The following GOSR2 variants were observed in gnomAD, a reference collection of about 807,000 sequenced individuals.
GOSR2 encodes 27 kDa Golgi SNARE protein.
In GOSR2, 20 loss-of-function variants were observed where a neutral mutation model predicts 27.9. That is an observed-to-expected ratio of 0.72 (90% confidence interval 0.50 to 1.04). The LOEUF (loss-of-function observed/expected upper bound fraction) is 1.04. GOSR2 is among the 50% of genes least tolerant of loss of function. The pLI, the probability that GOSR2 is intolerant of heterozygous loss-of-function variation, is 0.00. For missense variants in GOSR2, 261 were observed against 270.5 expected, an observed-to-expected ratio of 0.97 and a Z score of 0.25; for synonymous variants, 91 against 98.8, an observed-to-expected ratio of 0.92 and a Z score of 0.47.
downstream of GOSR2, among the ~76,000 whole-genome samples, chr17:46,944,757 G>A (rs1160305883): frequency 1.3e-5 from 2 of 151,852 alleles, no homozygotes; most frequent in African/African-American, 2.4e-5. Flanking sequence ...CCACTACCAC[G>A]CCCGGCTAAT....
rs765094724 is a variant in GOSR2, at chr17:46,938,689, A to G, written c.568A>G (p.Lys190Glu). The G allele has an allele frequency of 1.2e-6, 2 of 1,613,796 alleles. No homozygotes were observed. The highest frequency in any genetic ancestry group is 1.3e-5 in the African/African-American group (1 of 74,974). Residue 190 changes from lysine to glutamate, a missense_variant, in exon 6 of 6, where the codon AAG (lysine) becomes GAG (glutamate). Transcript: ENST00000640051. ...RLIEKRAFQDKYFMIGGMLLT... is the reference protein window; with the variant it reads ...RLIEKRAFQDEYFMIGGMLLT... ...CATCGAGAAGCGGGCTTTCCAGGAC[A>G]AGTACTTTATGATAGGTGGGATGCT... is the stretch of plus-strand genomic sequence containing the variant.
intron 6 of GOSR2, among the ~76,000 whole-genome samples, chr17:46,959,323 A>G (rs2090923376): frequency 6.6e-6 from 1 of 152,246 alleles, no homozygotes; most frequent in African/African-American, 2.4e-5. Context: ...TTTTTGGAGT[A>G]ACATAAATCC....
At chr17:46,972,036 A>G (rs1473876869) in intron 6 of GOSR2, among the ~76,000 whole-genome samples, 6 of 152,108 alleles carry the variant, frequency 3.9e-5, no homozygotes, top group Admixed American at 3.9e-4. Context: ...GGACCTTCCC[A>G]AGACAGGGAA....
chr17:46,968,430 G>T (rs2091357615), downstream of GOSR2, among the ~76,000 whole-genome samples: 1 of 152,194 alleles, frequency 6.6e-6, no homozygotes, highest in Admixed American at 6.5e-5. Flanking sequence ...CTAAAGCCCT[G>T]CCTGGGGTGT....
chr17:46,968,412 C>T (rs1012762635), downstream of GOSR2, among the ~76,000 whole-genome samples: 2 of 152,254 alleles, frequency 1.3e-5, no homozygotes, highest in African/African-American at 4.8e-5. Context: ...CATTCCCACG[C>T]TTACATCCTA....
chr17:46,961,042 AGGTG>A (rs1388141208), intron 6 of GOSR2, among the ~76,000 whole-genome samples: 1 of 152,196 alleles, frequency 6.6e-6, no homozygotes, highest in African/African-American at 2.4e-5. Flanking sequence ...AAAAAAAACA[AGGTG>A]GGAATAAAAT....
chr17:46,974,083 C>T (rs1167109631), intron 6 of GOSR2, among the ~76,000 whole-genome samples: 3 of 152,232 alleles, frequency 2.0e-5, no homozygotes, highest in Admixed American at 6.5e-5. Context: ...CTACTTCCCC[C>T]GTTCTAGGGG....
At chr17:46,973,662 C>G (rs564914033) in intron 6 of GOSR2, among the ~76,000 whole-genome samples, 2 of 152,174 alleles carry the variant, frequency 1.3e-5, no homozygotes, top group Non-Finnish European at 2.9e-5. Context: ...CCCCGTCTGC[C>G]GAGCTGGGGT....
downstream of GOSR2, among the ~76,000 whole-genome samples, chr17:46,967,950 G>T (rs2091352567): frequency 6.6e-6 from 1 of 152,210 alleles, no homozygotes; most frequent in African/African-American, 2.4e-5. Flanking sequence ...GACAGGCTTG[G>T]TGAAGGAGTG....
In GOSR2 at chr17:46,940,699, A is replaced by C. The variant is rs1218941030; in HGVS notation, c.*1939A>C. 9.3e-6 allele frequency: 15 copies of C among 1,608,454 alleles called. No homozygotes were observed. In the African/African-American group the frequency reaches 1.1e-4, roughly 11 times the overall value. ...AGGACATCTTTTCGTGGTGTGCACC[A>C]GTGCTTTCCACACTTGACAGTGGTT... On this transcript the variant is annotated 3_prime_UTR_variant, in exon 6 of 6. Transcript: ENST00000640051.
downstream of GOSR2, among the ~76,000 whole-genome samples, chr17:46,944,392 G>C (rs1269159570): frequency 1.3e-5 from 2 of 152,144 alleles, no homozygotes; most frequent in Non-Finnish European, 2.9e-5. Flanking sequence ...TAAGAATGGG[G>C]GTAACACCTG....
chr17:46,953,452 G>A (rs1042701984), intron 6 of GOSR2, among the ~76,000 whole-genome samples: 4 of 152,160 alleles, frequency 2.6e-5, no homozygotes, highest in Admixed American at 6.5e-5. Context: ...TATCATTGTT[G>A]GACATTTGGG....
rs1338736965 is a variant in GOSR2, at chr17:46,961,146, T to C, written c.584-5388T>C. Among the ~76,000 whole-genome samples the C allele has an allele frequency of 2.0e-5, 3 of 152,110 alleles. No individual in the cohort carries two copies. In the South Asian group the frequency reaches 6.2e-4, roughly 31 times the overall value. On this transcript the variant is annotated intron_variant, in intron 6 of 6. Transcript: ENST00000573224. ...TTTGCCGAGGATAAAGGTAAAGATA[T>C]TGATTAATTTCAGACTTTTGGAACA...
Position 46,941,879 on chromosome 17 carries a change from C to T in GOSR2, c.*3119C>T. The T allele has an allele frequency of 1.0e-6, 1 of 972,508 alleles. No individual in the cohort carries two copies. The highest frequency in any genetic ancestry group is 1.2e-6 in the Non-Finnish European group (1 of 818,264). 60.2% of individuals were successfully genotyped at this position (972,508 alleles called of 1,614,324 possible). On this transcript the variant is annotated 3_prime_UTR_variant, in exon 6 of 6. Coordinates refer to ENST00000640051, the MANE Select transcript of GOSR2 (RefSeq NM_004287.5). ...AGGGTTACAGGTGTTAGCCACTGTACCTGGCCTCTAAGGTGATTCTGATGT... is the reference window on the plus strand; with the variant it reads ...AGGGTTACAGGTGTTAGCCACTGTATCTGGCCTCTAAGGTGATTCTGATGT...
chr17:46,968,527 C>T (rs2091358820), downstream of GOSR2, among the ~76,000 whole-genome samples: 2 of 152,252 alleles, frequency 1.3e-5, no homozygotes, highest in African/African-American at 4.8e-5. Flanking sequence ...GGGAAGAGCA[C>T]CATGCCAAGC....
At chr17:46,969,797 T>C (rs77081007), downstream of GOSR2, among the ~76,000 whole-genome samples, 1 of 152,182 alleles carries the variant, frequency 6.6e-6, no homozygotes, top group Non-Finnish European at 1.5e-5. Flanking sequence ...GATTTGAGTG[T>C]ATAGGAAGGC....
Position 46,939,902 on chromosome 17 carries a change from C to G in GOSR2, c.*1142C>G. 1.0e-6 allele frequency: 1 copy of G among 993,518 alleles called. No homozygotes were observed. The highest frequency in any genetic ancestry group is 1.2e-6 in the Non-Finnish European group (1 of 833,902). The allele number at this position is 993,518 out of a possible 1,614,324, so 61.5% of individuals were successfully genotyped here. A position where few individuals can be genotyped will look rare whatever the true frequency, so the allele number is the denominator to read the frequency against. ...GAATCACTGAAAGTCTCAGAAAGAC[C>G]TGGTTAGTGTATGTTCTCATTTACC... is the stretch of plus-strand genomic sequence containing the variant. On this transcript the variant is annotated 3_prime_UTR_variant, in exon 6 of 6. Transcript: ENST00000640051.
At chr17:46,959,515 GT>G (rs1330234699) in intron 6 of GOSR2, among the ~76,000 whole-genome samples, 1 of 151,912 alleles carries the variant, frequency 6.6e-6, no homozygotes, top group Non-Finnish European at 1.5e-5. Flanking sequence ...GTTCTTCTGG[GT>G]TTCATTTGCA....
At chr17:46,927,710 G>C (rs765753625) in intron 1 of GOSR2, among the ~76,000 whole-genome samples, 6 of 152,150 alleles carry the variant, frequency 3.9e-5, no homozygotes, top group African/African-American at 1.4e-4. Flanking sequence ...TGTAGGGTTT[G>C]CCTTTCCTTG....
Sources: gnomAD v4.1 joint callset for allele counts (sites outside exome capture counted in the v4.1 genomes callset) on GRCh38, gnomAD v4.1.1 for gene constraint, MANE v1.5 for transcripts, NCBI Gene and HGNC (gene_info 2026-07-23, HGNC 2026-07-21) for gene names.